ZNF610: variants seen among roughly 807,000 people sequenced by gnomAD.
ZNF610 encodes zink finger protein.
ZNF610 carries 14 observed loss-of-function variants against 14.1 expected under a neutral mutation model. The observed-to-expected ratio is 0.99, with a 90% CI of 0.65 to 1.55. The LOEUF is 1.55. Among genes scored for constraint, ZNF610 ranks in the 40% most tolerant of loss-of-function variants. ZNF610 has a pLI of 0.00. For synonymous variants in ZNF610, 185 were observed against 187.6 expected, an observed-to-expected ratio of 0.99 and a Z score of 0.11; for missense variants, 530 against 558.0, an observed-to-expected ratio of 0.95 and a Z score of 0.51.
At chr19:52,361,372 G>T (rs968296780) in intron 5 of ZNF610, among the ~76,000 whole-genome samples, 7 of 151,692 alleles carry the variant, frequency 4.6e-5, no homozygotes, top group African/African-American at 1.5e-4. Context: ...TAGAGATGGG[G>T]TTTCACCATG....
intron 5 of ZNF610, among the ~76,000 whole-genome samples, chr19:52,358,195 C>CT (rs1568652918): frequency 6.6e-6 from 1 of 152,008 alleles, no homozygotes; most frequent in Non-Finnish European, 1.5e-5. Flanking sequence ...CTTTTGCTTT[C>CT]TTTTTTTGAG....
Position 52,366,942 on chromosome 19 carries a change from T to C in ZNF610, c.*175T>C. On this transcript the variant is annotated 3_prime_UTR_variant, in exon 6 of 6. Transcript: ENST00000403906. ...CTACAAATGTAAAGTTAATAACATA[T>C]ATAAATAATCTATAAAGAGAGAACA... 3.5e-6 allele frequency: 2 copies of C among 578,664 alleles called. No homozygotes were observed. The highest frequency in any genetic ancestry group is 2.8e-5 in the East Asian group (1 of 35,654). The allele number at this position is 578,664 out of a possible 1,614,324, so 35.8% of individuals were successfully genotyped here. A position where few individuals can be genotyped will look rare whatever the true frequency, so the allele number is the denominator to read the frequency against.
chr19:52,358,699 T>G (rs1261954303), intron 5 of ZNF610, among the ~76,000 whole-genome samples: 1 of 152,230 alleles, frequency 6.6e-6, no homozygotes, highest in South Asian at 2.1e-4. Flanking sequence ...TCTTGTGTTA[T>G]CAGTGTTCTA....
intron 5 of ZNF610, among the ~76,000 whole-genome samples, chr19:52,365,026 G>C (rs1265477868): frequency 6.6e-6 from 1 of 152,098 alleles, no homozygotes; most frequent in Non-Finnish European, 1.5e-5. Context: ...CAGGCAGATT[G>C]CCTGAGGTTG....
intron 3 of ZNF610, among the ~76,000 whole-genome samples, chr19:52,353,262 T>C (rs547525612): frequency 1.3e-5 from 2 of 152,340 alleles, no homozygotes; most frequent in East Asian, 3.9e-4. Context: ...TAGTGTATAA[T>C]ATTCTTAAAT....
upstream of ZNF610, among the ~76,000 whole-genome samples, chr19:52,334,960 A>ACACACACACACACAG (rs59969071): frequency 0.023 from 3,141 of 136,544 alleles, 112 homozygotes; most frequent in African/African-American, 0.064. Flanking sequence ...CACACACACA[A>ACACACACACACACAG]TGTAATTTAC....
Position 52,353,703 on chromosome 19 carries a change from G to A in ZNF610, c.85G>A (p.Val29Met), listed in dbSNP as rs1985371988. The stretch of plus-strand genomic sequence containing the variant: ...TTAGGGACGCTTGACATTCATGGAC[G>A]TGGCCATCGAATTCTCTCAGGAGGA... ...LPQGRLTFMD[V>M]AIEFSQEEWK... The change falls in exon 4 of 6, where the codon GTG becomes ATG. Residue 29 changes from valine (V) to methionine (M), a missense_variant. By Grantham distance (21) the Val-to-Met change is conservative (BLOSUM62 1). Transcript: ENST00000403906. 17 of 1,613,870 alleles carry A rather than the reference G, an allele frequency of 1.1e-5. No homozygotes were observed. Among genetic ancestry groups the A allele is most frequent in the Middle Eastern group, 1.7e-4 (1 of 6,060 alleles).
chr19:52,360,050 C>G (rs915613461), intron 5 of ZNF610, among the ~76,000 whole-genome samples: 8 of 152,186 alleles, frequency 5.3e-5, no homozygotes, highest in African/African-American at 1.9e-4. Context: ...GACCAGCATC[C>G]AGGAAGCTCC....
At chr19:52,348,418 T>G (rs1394640223) in intron 2 of ZNF610, among the ~76,000 whole-genome samples, 1 of 152,226 alleles carries the variant, frequency 6.6e-6, no homozygotes, top group East Asian at 1.9e-4. Flanking sequence ...TTTTTGTAAT[T>G]ATTTCAGTCT....
At chr19:52,356,776 A>G (rs1225351670) in intron 5 of ZNF610, among the ~76,000 whole-genome samples, 1 of 152,184 alleles carries the variant, frequency 6.6e-6, no homozygotes, top group Non-Finnish European at 1.5e-5. Flanking sequence ...AATTGTTGCC[A>G]TCTTAATCTC....
intron 5 of ZNF610, among the ~76,000 whole-genome samples, chr19:52,361,628 T>G (rs2247899): frequency 1.9e-5 from 2 of 103,580 alleles, no homozygotes; most frequent in East Asian, 6.5e-4. Context: ...AATTTAAAAA[T>G]TTTTTTTTTC....
chr19:52,348,539 A>G (rs1985077501), intron 2 of ZNF610, among the ~76,000 whole-genome samples: 2 of 152,064 alleles, frequency 1.3e-5, no homozygotes, highest in Non-Finnish European at 2.9e-5. Flanking sequence ...GATCTGCTCC[A>G]CTTTTGGGGT....
At chr19:52,342,959 A>G (rs321959) in intron 1 of ZNF610, among the ~76,000 whole-genome samples, 105,403 of 151,938 alleles carry the variant, frequency 0.69, 36,901 homozygotes, top group African/African-American at 0.76. Context: ...CTCGTCTTAC[A>G]GCTTCAAACA....
At chr19:52,330,867 G>A in the ZNF610 span, among the ~76,000 whole-genome samples, 1 of 152,228 alleles carries the variant, frequency 6.6e-6, no homozygotes, top group Non-Finnish European at 1.5e-5. Flanking sequence ...TGCACTAAGA[G>A]TGAAATGAAG....
At chr19:52,346,718 C>A (rs1483568742) in intron 1 of ZNF610, among the ~76,000 whole-genome samples, 1 of 152,082 alleles carries the variant, frequency 6.6e-6, no homozygotes, top group Admixed American at 6.6e-5. Context: ...CTCTCGTTTT[C>A]CTAATCAGCT....
At chr19:52,353,002 G>A (rs1474236037) in intron 3 of ZNF610, among the ~76,000 whole-genome samples, 12 of 151,884 alleles carry the variant, frequency 7.9e-5, no homozygotes, top group African/African-American at 2.4e-4. Context: ...GCAGTGGTGC[G>A]ATCTCGGCTC....
At chr19:52,346,022 A>G (rs1984932107) in intron 1 of ZNF610, among the ~76,000 whole-genome samples, 1 of 144,150 alleles carries the variant, frequency 6.9e-6, no homozygotes, top group Non-Finnish European at 1.5e-5. Flanking sequence ...TTTTTGAGAC[A>G]GAGTCTCACT....
intron 2 of ZNF610, 115 bp from the exon 3 acceptor site, chr19:52,349,039 T>C (rs748870346): frequency 4.4e-6 from 3 of 683,532 alleles, no homozygotes; most frequent in Non-Finnish European, 7.5e-6. Context: ...TCTGGTGCAG[T>C]GGGCAACAGA....
intron 5 of ZNF610, among the ~76,000 whole-genome samples, chr19:52,363,569 A>C (rs1423429948): frequency 6.6e-6 from 1 of 152,174 alleles, no homozygotes; most frequent in Non-Finnish European, 1.5e-5. Context: ...ATATATTTAT[A>C]GTTGTTATAT....
Sources: gnomAD v4.1 joint callset for allele counts (sites outside exome capture counted in the v4.1 genomes callset) on GRCh38, gnomAD v4.1.1 for gene constraint, MANE v1.5 for transcripts, NCBI Gene and HGNC (gene_info 2026-07-23, HGNC 2026-07-21) for gene names.